Variants in LRRFIP2 observed in about 807,000 individuals in gnomAD.
LRRFIP2 encodes the protein leucine-rich repeat flightless-interacting protein 2.
LRRFIP2 carries 109 observed loss-of-function variants against 125.9 expected under a neutral mutation model. That is an observed-to-expected ratio of 0.87 (90% CI 0.74 to 1.01). The LOEUF is 1.01. Ranked by LOEUF, LRRFIP2 falls within the 50% of genes least tolerant of loss-of-function variation. LRRFIP2 has a pLI of 0.00. For synonymous variants in LRRFIP2, 291 were observed against 293.1 expected (o/e 0.99, Z 0.07); for missense variants, 850 against 862.3 (o/e 0.99, Z 0.18).
intron 17 of LRRFIP2, 152 bp downstream of exon 17, chr3:37,094,640 A>G (rs894182044): frequency 3.9e-6 from 2 of 510,456 alleles, no homozygotes; most frequent in Admixed American, 3.1e-5. Flanking sequence ...TCAAGCTCTG[A>G]AACACTTGAG....
chr3:37,063,924 G>A (rs1575872366), intron 23 of LRRFIP2, 133 bp from the exon 24 acceptor site: 1 of 676,304 alleles, frequency 1.5e-6, no homozygotes, highest in East Asian at 2.6e-5. Context: ...AATATCTAAA[G>A]AAATAAAGGT....
At chr3:37,133,925 G>A (rs1396076781) in intron 2 of LRRFIP2, among the ~76,000 whole-genome samples, 2 of 152,094 alleles carry the variant, frequency 1.3e-5, no homozygotes. Context: ...GACCCCAACT[G>A]TTATAATAAA....
intron 1 of LRRFIP2, among the ~76,000 whole-genome samples, chr3:37,168,876 C>A (rs978398369): frequency 1.3e-5 from 2 of 152,226 alleles, no homozygotes; most frequent in South Asian, 4.1e-4. Context: ...AACTCCTGAT[C>A]TCAAGTGATC....
In LRRFIP2 at chr3:37,115,022, C is replaced by T. The variant is rs372243803; in HGVS notation, c.372+32G>A. The T allele has an allele frequency of 4.6e-6, 7 of 1,533,940 alleles. No individual in the cohort carries two copies. The African/African-American group carries it at 6.8e-5, about 15-fold the overall frequency. ...CAACAGATGTTTATAAAGTAAAATT[C>T]CACATATAACACAAAGTCATGTGCT... On this transcript the variant is annotated intron_variant, in intron 7 of 27. Coordinates refer to ENST00000336686, the MANE Select transcript of LRRFIP2 (RefSeq NM_006309.4).
Position 37,055,144 on chromosome 3 carries a change from C to T in LRRFIP2, c.1892G>A (p.Ser631Asn), listed in dbSNP as rs764762796. The change falls in exon 26 of 28, where the codon AGC (serine) becomes AAC (asparagine). Residue 631 changes from serine to asparagine, a missense_variant. Coordinates refer to ENST00000336686, the MANE Select transcript of LRRFIP2 (RefSeq NM_006309.4). ...TTTTGAAAGCTTAAATTTGTATTCG[C>T]TAATTTGTCTATTGGCATCTCCTAG... ...EMQRDANRQI[S>N]EYKFKLSKAE... The T allele has an allele frequency of 5.0e-6, 8 of 1,593,018 alleles. No individual in the cohort carries two copies. Among genetic ancestry groups the T allele is most frequent in the Non-Finnish European group, 6.0e-6 (7 of 1,173,070 alleles).
At chr3:37,156,314 TA>T (rs917265654) in intron 1 of LRRFIP2, among the ~76,000 whole-genome samples, 2 of 151,560 alleles carry the variant, frequency 1.3e-5, no homozygotes, top group African/African-American at 2.4e-5. Flanking sequence ...ACTCTATCTT[TA>T]AAAAAAATTT....
In LRRFIP2 at chr3:37,065,947, AG is replaced by A; in HGVS notation, c.1567-6del. 1.9e-6 allele frequency: 3 copies of A among 1,614,034 alleles called. No homozygotes were observed. Among genetic ancestry groups the A allele is most frequent in the Non-Finnish European group, 2.5e-6 (3 of 1,179,918 alleles). Reference sequence around the variant, plus strand: ...GATTATAACTAAGCCATGTTTCTGCAGGGGGGAAAAACCCACCATCACAAAA... The same window carrying A: ...GATTATAACTAAGCCATGTTTCTGCAGGGGGAAAAACCCACCATCACAAAA... On this transcript the variant is annotated splice_polypyrimidine_tract_variant and splice_region_variant and intron_variant, in intron 22 of 27. Transcript: ENST00000336686.
chr3:37,105,329 T>C (rs1008361289), intron 14 of LRRFIP2, 126 bp downstream of exon 14: 14 of 731,894 alleles, frequency 1.9e-5, no homozygotes, highest in Admixed American at 7.0e-5. Context: ...AATATTTATA[T>C]AACTAAATTT....
At chr3:37,129,681 C>A (rs1053014907) in intron 2 of LRRFIP2, among the ~76,000 whole-genome samples, 5 of 152,196 alleles carry the variant, frequency 3.3e-5, no homozygotes, top group Non-Finnish European at 5.9e-5. Flanking sequence ...CACATATCAT[C>A]AAATTCACTA....
chr3:37,120,874 T>G (rs534444276), intron 6 of LRRFIP2, among the ~76,000 whole-genome samples: 57 of 152,284 alleles, frequency 3.7e-4, no homozygotes, highest in Middle Eastern at 3.4e-3. Flanking sequence ...TGCTTTAAGG[T>G]GTAAAGCATA....
intron 2 of LRRFIP2, among the ~76,000 whole-genome samples, chr3:37,144,718 A>G (rs936841851): frequency 1.3e-5 from 2 of 152,232 alleles, no homozygotes; most frequent in Admixed American, 1.3e-4. Context: ...GCAAATTTAC[A>G]ATTCATAATT....
intron 15 of LRRFIP2, among the ~76,000 whole-genome samples, chr3:37,101,524 G>A (rs2094045154): frequency 6.6e-6 from 1 of 151,978 alleles, no homozygotes; most frequent in South Asian, 2.1e-4. Flanking sequence ...AATTAGCTGG[G>A]CGTGATGACA....
At chr3:37,113,048 T>C (rs2094609088) in intron 7 of LRRFIP2, 68 bp from the exon 8 acceptor site, 13 of 876,434 alleles carry the variant, frequency 1.5e-5, no homozygotes, top group Non-Finnish European at 2.4e-5. Flanking sequence ...ATAAAATTCA[T>C]CTTCAAATTA....
At chr3:37,075,557 T>C (rs947308306) in intron 19 of LRRFIP2, among the ~76,000 whole-genome samples, 7 of 151,824 alleles carry the variant, frequency 4.6e-5, no homozygotes, top group African/African-American at 7.3e-5. Context: ...GACAGAGAAA[T>C]AGGATTGAAT....
intron 21 of LRRFIP2, 70 bp from the exon 22 acceptor site, chr3:37,066,395 T>A: frequency 8.5e-7 from 1 of 1,176,714 alleles, no homozygotes; most frequent in Non-Finnish European, 1.3e-6. Flanking sequence ...AGCAGAGAAG[T>A]ACCTAATTCA....
intron 19 of LRRFIP2, among the ~76,000 whole-genome samples, chr3:37,078,123 T>C (rs2092288008): frequency 6.6e-6 from 1 of 152,188 alleles, no homozygotes; most frequent in African/African-American, 2.4e-5. Flanking sequence ...CTCTACACTT[T>C]AAAATGGTTA....
intron 23 of LRRFIP2, chr3:37,065,522 T>C (rs181413138): frequency 1.8e-6 from 1 of 549,158 alleles, no homozygotes; most frequent in Non-Finnish European, 3.5e-6. Context: ...AGACTATCTC[T>C]TTGCAGAACA....
intron 2 of LRRFIP2, among the ~76,000 whole-genome samples, chr3:37,147,207 A>T (rs1577480615): frequency 1.3e-5 from 2 of 152,182 alleles, no homozygotes; most frequent in African/African-American, 4.8e-5. Context: ...TCAAGAAACA[A>T]CAGATGCTGA....
intron 4 of LRRFIP2, 149 bp from the exon 5 acceptor site, chr3:37,121,840 TCGTGTG>T: frequency 5.0e-6 from 3 of 602,576 alleles, no homozygotes; most frequent in South Asian, 3.6e-5. Flanking sequence ...GCAGCCACAT[TCGTGTG>T]TGTGTGTGTG....
Sources: allele counts gnomAD v4.1 joint callset (sites outside exome capture counted in the v4.1 genomes callset), GRCh38; gene constraint gnomAD v4.1.1; transcripts MANE v1.5; gene names NCBI Gene and HGNC (gene_info 2026-07-23, HGNC 2026-07-21).